GREM2: variants seen among roughly 807,000 people sequenced by gnomAD.
GREM2 encodes gremlin-2.
In GREM2, 11 loss-of-function variants were observed where a neutral mutation model predicts 14.2. The ratio of observed to expected loss-of-function variants is 0.78; its 90% CI spans 0.49 to 1.28. The LOEUF is 1.28. Ranked by LOEUF, GREM2 falls within the 50% of genes most tolerant of loss-of-function variation. The pLI, the probability that GREM2 is intolerant of heterozygous loss-of-function variation, is 0.00. For synonymous variants in GREM2, 98 were observed against 97.6 expected, an observed-to-expected ratio of 1.00 and a Z score of -0.02; for missense variants, 210 against 218.5, an observed-to-expected ratio of 0.96 and a Z score of 0.24.
At chr1:240,539,490 T>A (rs1478206913) in intron 1 of GREM2, among the ~76,000 whole-genome samples, 1 of 152,228 alleles carries the variant, frequency 6.6e-6, no homozygotes, top group Non-Finnish European at 1.5e-5. Flanking sequence ...TTTTCTTCTG[T>A]TATTAGATTT....
At chr1:240,498,445 G>C (rs61832587) in intron 1 of GREM2, among the ~76,000 whole-genome samples, 3 of 152,124 alleles carry the variant, frequency 2.0e-5, no homozygotes, top group Admixed American at 1.3e-4. Context: ...AGAGGTGTTC[G>C]GCCATGGTGA....
At chr1:240,581,518 G>A (rs1418860885) in intron 1 of GREM2, among the ~76,000 whole-genome samples, 1 of 152,028 alleles carries the variant, frequency 6.6e-6, no homozygotes, top group African/African-American at 2.4e-5. Context: ...TTTAGATGGG[G>A]TTTTATAATT....
chr1:240,570,904 G>A (rs1679248007), intron 1 of GREM2, among the ~76,000 whole-genome samples: 1 of 152,186 alleles, frequency 6.6e-6, no homozygotes, highest in Non-Finnish European at 1.5e-5. Flanking sequence ...TTGTGGGCTG[G>A]AATGGACAGA....
intron 1 of GREM2, among the ~76,000 whole-genome samples, chr1:240,523,804 T>A (rs34890943): frequency 0.3 from 45,689 of 152,048 alleles, 7,156 homozygotes; most frequent in Middle Eastern, 0.38. Flanking sequence ...AAAGGCTGCA[T>A]GTAGCTGCAA....
chr1:240,599,423 A>G (rs1435262780), intron 1 of GREM2, among the ~76,000 whole-genome samples: 2 of 152,146 alleles, frequency 1.3e-5, no homozygotes, highest in Admixed American at 1.3e-4. Context: ...TGCCAATATG[A>G]TCTGGCTAAA....
intron 1 of GREM2, among the ~76,000 whole-genome samples, chr1:240,556,127 C>G (rs1678949364): frequency 6.6e-6 from 1 of 152,102 alleles, no homozygotes; most frequent in Non-Finnish European, 1.5e-5. Flanking sequence ...ATTCCAATAC[C>G]CTCAAGTAGC....
Position 240,500,692 on chromosome 1 carries a change from G to A in GREM2, c.-1-7216C>T, listed in dbSNP as rs183660612. ...TGGGATTTTATGCACATGGATATTT[G>A]TAGAAGGAGCCTGTTTATCCCCACC... On this transcript the variant is annotated intron_variant, in intron 1 of 1. Coordinates refer to ENST00000318160, the MANE Select transcript of GREM2 (RefSeq NM_022469.4). 1.2e-4 allele frequency among the ~76,000 whole-genome samples: 18 copies of A among 152,282 alleles called. No homozygotes were observed. The South Asian group carries it at 1.2e-3, about 11-fold the overall frequency.
rs200904291 is a variant in GREM2, at chr1:240,575,901, G to GAAAA, written c.-2+35979_-2+35982dup. Among the ~76,000 whole-genome samples the GAAAA allele has an allele frequency of 1.6e-3, 204 of 130,502 alleles. 1 individual carries two copies. The highest frequency in any genetic ancestry group is 4.7e-3 in the African/African-American group (170 of 36,522). 85.6% of individuals were successfully genotyped at this position (130,502 alleles called of 152,430 possible). The stretch of plus-strand genomic sequence containing the variant: ...AGCTTTGGTGTTGTGTGCTCTGCTG[G>GAAAA]AAAAAAAAAAAAAAAAGATGGAGGG... On this transcript the variant is annotated intron_variant, in intron 1 of 1. Coordinates refer to ENST00000318160, the MANE Select transcript of GREM2 (RefSeq NM_022469.4).
At chr1:240,531,713 T>C in intron 1 of GREM2, 1 of 849,218 alleles carries the variant, frequency 1.2e-6, no homozygotes, top group Non-Finnish European at 1.3e-6. Context: ...TTTTTCTTCT[T>C]CTTTTTTTTT....
intron 1 of GREM2, chr1:240,588,442 A>C (rs992910623): frequency 6.6e-6 from 1 of 152,230 alleles, no homozygotes. Flanking sequence ...GCCTGTGTCT[A>C]TTGCTGCAGA....
intron 1 of GREM2, among the ~76,000 whole-genome samples, chr1:240,505,605 T>A (rs9660601): frequency 0.14 from 21,889 of 152,036 alleles, 1,734 homozygotes; most frequent in East Asian, 0.33. Flanking sequence ...TGCCTTTTTT[T>A]ATCAAATACT....
chr1:240,538,691 C>A (rs1678528779), intron 1 of GREM2, among the ~76,000 whole-genome samples: 1 of 152,178 alleles, frequency 6.6e-6, no homozygotes, highest in Admixed American at 6.5e-5. Context: ...CACTACCCTC[C>A]AGCCTGGGCG....
At chr1:240,596,988 C>T (rs1679831623) in intron 1 of GREM2, among the ~76,000 whole-genome samples, 1 of 152,210 alleles carries the variant, frequency 6.6e-6, no homozygotes, top group South Asian at 2.1e-4. Flanking sequence ...TACTGGCCTG[C>T]TCTGTCCTTC....
chr1:240,536,530 C>G (rs1221622504), intron 1 of GREM2, among the ~76,000 whole-genome samples: 1 of 152,162 alleles, frequency 6.6e-6, no homozygotes, highest in Non-Finnish European at 1.5e-5. Context: ...AATTGTTCCT[C>G]GGATGGGGAA....
chr1:240,556,887 A>G (rs948311634), intron 1 of GREM2, among the ~76,000 whole-genome samples: 7 of 152,070 alleles, frequency 4.6e-5, no homozygotes, highest in African/African-American at 1.7e-4. Context: ...GAATCATGGG[A>G]TGTCTGGGCG....
Position 240,547,478 on chromosome 1 carries a change from C to T in GREM2, c.-1-54002G>A, listed in dbSNP as rs1444689957. On this transcript the variant is annotated intron_variant, in intron 1 of 1. Transcript: ENST00000318160. The stretch of plus-strand genomic sequence containing the variant: ...TCACACCGCTGCACTCCAGCCTGGG[C>T]GACAGAGTGAGACTCCATCTCAAAA... Among the ~76,000 whole-genome samples the T allele has an allele frequency of 3.1e-4, 40 of 128,002 alleles. 1 individual carries two copies. The highest frequency in any genetic ancestry group is 6.3e-4 in the Admixed American group (7 of 11,036). 84.0% of individuals were successfully genotyped at this position (128,002 alleles called of 152,430 possible).
intron 1 of GREM2, among the ~76,000 whole-genome samples, chr1:240,569,796 A>G (rs1679226335): frequency 6.6e-6 from 1 of 152,234 alleles, no homozygotes; most frequent in South Asian, 2.1e-4. Flanking sequence ...GATTTCTTAT[A>G]TATGACACCC....
At chr1:240,610,716 G>A (rs1001312948) in intron 1 of GREM2, among the ~76,000 whole-genome samples, 1 of 152,214 alleles carries the variant, frequency 6.6e-6, no homozygotes, top group African/African-American at 2.4e-5. Context: ...CCACTGGGAA[G>A]AGTGCTGTTT....
At chr1:240,574,105 A>G (rs2103368143) in intron 1 of GREM2, among the ~76,000 whole-genome samples, 1 of 152,104 alleles carries the variant, frequency 6.6e-6, no homozygotes, top group South Asian at 2.1e-4. Context: ...GAATTTTAGT[A>G]GAGACAGGGT....
Sources: gnomAD v4.1 joint callset for allele counts (sites outside exome capture counted in the v4.1 genomes callset) on GRCh38, gnomAD v4.1.1 for gene constraint, MANE v1.5 for transcripts, NCBI Gene and HGNC (gene_info 2026-07-23, HGNC 2026-07-21) for gene names.